The following USP15 variants were observed in gnomAD, a reference collection of about 807,000 sequenced individuals.
USP15 encodes the protein ubiquitin carboxyl-terminal hydrolase 15.
In USP15, 18 loss-of-function variants were observed where a neutral mutation model predicts 127.1. The observed-to-expected ratio is 0.14, with a 90% confidence interval of 0.10 to 0.21. USP15 has a LOEUF of 0.21. Ranked by LOEUF, USP15 falls within the 10% of genes least tolerant of loss-of-function variation. The pLI, the probability that USP15 is intolerant of heterozygous loss-of-function variation, is 1.00. For synonymous variants in USP15, 364 were observed against 393.7 expected (o/e 0.92, Z 0.89); for missense variants, 805 against 1,159.9 (o/e 0.69, Z 4.44).
At chr12:62,269,586 T>A (rs868236272) in intron 1 of USP15, among the ~76,000 whole-genome samples, 2 of 152,052 alleles carry the variant, frequency 1.3e-5, no homozygotes, top group Non-Finnish European at 2.9e-5. Flanking sequence ...GTCTATTTTT[T>A]ATTTTTATTT....
At chr12:62,388,244 C>T (rs1302657867) in intron 11 of USP15, among the ~76,000 whole-genome samples, 2 of 151,446 alleles carry the variant, frequency 1.3e-5, no homozygotes, top group South Asian at 4.2e-4. Context: ...GGGATTCTCC[C>T]GCCTCAGACT....
intron 8 of USP15, among the ~76,000 whole-genome samples, chr12:62,357,986 A>G (rs532850307): frequency 3.4e-4 from 52 of 152,076 alleles, no homozygotes; most frequent in Non-Finnish European, 6.5e-4. Flanking sequence ...GCTTTTTTCA[A>G]GTTTCCTTGT....
chr12:62,343,604 G>A (rs561549131), intron 6 of USP15, among the ~76,000 whole-genome samples: 10 of 152,262 alleles, frequency 6.6e-5, no homozygotes, highest in African/African-American at 9.6e-5. Context: ...CGTAGTACCC[G>A]GGCCAGGTAG....
chr12:62,378,945 A>G lies in USP15; in HGVS notation c.916-2545A>G, dbSNP rs566586442. The stretch of plus-strand genomic sequence containing the variant: ...GCATACATTTATTGTGAACATGATC[A>G]GTGCTACGTGACATAGTGCTCAGTG... On this transcript the variant is annotated intron_variant, in intron 8 of 21. Transcript: ENST00000280377. Among the ~76,000 whole-genome samples, 12 of 152,276 alleles carry G rather than the reference A, an allele frequency of 7.9e-5. No homozygotes were observed. The East Asian group carries it at 2.1e-3, about 27-fold the overall frequency.
intron 4 of USP15, among the ~76,000 whole-genome samples, chr12:62,318,348 G>T (rs531075408): frequency 6.6e-6 from 1 of 152,140 alleles, no homozygotes; most frequent in Admixed American, 6.6e-5. Flanking sequence ...TCATGACCTT[G>T]CCATTGACAA....
chr12:62,397,113 C>T (rs2067517236), intron 20 of USP15, among the ~76,000 whole-genome samples: 1 of 152,120 alleles, frequency 6.6e-6, no homozygotes, highest in Non-Finnish European at 1.5e-5. Flanking sequence ...TCCTACTTAT[C>T]ATTATATATT....
chr12:62,317,447 A>AGT (rs1464305482), intron 4 of USP15, among the ~76,000 whole-genome samples: 1 of 152,158 alleles, frequency 6.6e-6, no homozygotes, highest in African/African-American at 2.4e-5. Context: ...CTTAAACTAG[A>AGT]GTCTCATCTC....
At chr12:62,303,088 A>C (rs1021320433) in intron 3 of USP15, 168 bp downstream of exon 3, 1 of 669,510 alleles carries the variant, frequency 1.5e-6, no homozygotes, top group African/African-American at 1.8e-5. Context: ...AAGAAGGTTT[A>C]CTTATGCTAG....
chr12:62,338,902 G>C (rs1485416743), intron 6 of USP15, among the ~76,000 whole-genome samples: 2 of 152,148 alleles, frequency 1.3e-5, no homozygotes, highest in African/African-American at 2.4e-5. Context: ...GTCAGGTAGT[G>C]TGATGCCTCC....
intron 8 of USP15, among the ~76,000 whole-genome samples, chr12:62,373,298 C>G (rs959997151): frequency 4.9e-5 from 7 of 141,732 alleles, no homozygotes; most frequent in Non-Finnish European, 9.5e-5. Context: ...TAGATGAGGG[C>G]AAAAAAGGAT....
chr12:62,291,031 C>G (rs890534139), intron 1 of USP15, among the ~76,000 whole-genome samples: 1 of 152,112 alleles, frequency 6.6e-6, no homozygotes, highest in African/African-American at 2.4e-5. Flanking sequence ...ATGCTTTTCT[C>G]TTGCTGAGAC....
chr12:62,349,595 A>G (rs1268625262), intron 7 of USP15, among the ~76,000 whole-genome samples: 1 of 152,078 alleles, frequency 6.6e-6, no homozygotes, highest in Non-Finnish European at 1.5e-5. Flanking sequence ...TTTAGGAAGA[A>G]TTTAAATTCA....
intron 1 of USP15, among the ~76,000 whole-genome samples, chr12:62,273,532 T>C (rs1426160407): frequency 6.6e-6 from 1 of 152,090 alleles, no homozygotes; most frequent in African/African-American, 2.4e-5. Flanking sequence ...AATAGAAGTT[T>C]GGTGTGGTGC....
At chr12:62,338,150 C>G (rs1221859498) in intron 6 of USP15, among the ~76,000 whole-genome samples, 2 of 152,136 alleles carry the variant, frequency 1.3e-5, no homozygotes, top group African/African-American at 4.8e-5. Flanking sequence ...CTTTTGTTTC[C>G]TGACTTTTTA....
In USP15 at chr12:62,341,913, G is replaced by A. The variant is rs566148869; in HGVS notation, c.684-7308G>A. ...TGGTGGTCTGTGTATTTCCTGAATG[G>A]GAATGTTGGCCTGTCTTACAAGGTT... On this transcript the variant is annotated intron_variant, in intron 6 of 21. Transcript: ENST00000280377. Among the ~76,000 whole-genome samples, 26 of 152,160 alleles carry A rather than the reference G, an allele frequency of 1.7e-4. No homozygotes were observed. In the East Asian group the frequency reaches 4.8e-3, roughly 28 times the overall value.
chr12:62,410,890 G>C lies in USP15; in HGVS notation c.*6515G>C, dbSNP rs76527494. The C allele has an allele frequency of 2.7e-5, 4 of 150,510 alleles. No individual in the cohort carries two copies. The highest frequency in any genetic ancestry group is 5.9e-5 in the Non-Finnish European group (4 of 67,740). The allele number at this position is 150,510 out of a possible 1,614,324, so 9.3% of individuals were successfully genotyped here. On this transcript the variant is annotated 3_prime_UTR_variant, in exon 22 of 22. Coordinates refer to ENST00000280377, the MANE Select transcript of USP15 (RefSeq NM_001252078.2). ...AATTTTGGGCCTCACTCCTATAAAA[G>C]ACTTGGAACAGAAGTCTTAGTATGA...
rs2065495541 is a variant in USP15, at chr12:62,337,256, C to G, written c.683+11323C>G. Among the ~76,000 whole-genome samples the G allele has an allele frequency of 2.6e-5, 4 of 152,082 alleles. No homozygotes were observed. The South Asian group carries it at 8.3e-4, about 31-fold the overall frequency. On this transcript the variant is annotated intron_variant, in intron 6 of 21. Coordinates refer to ENST00000280377, the MANE Select transcript of USP15 (RefSeq NM_001252078.2). ...CCTTCATTCATTTTTCAGAAAACCT[C>G]TGCTTGATAGCTGTATTAGTCCATT...
intron 1 of USP15, among the ~76,000 whole-genome samples, chr12:62,266,192 T>C (rs147555463): frequency 6.6e-6 from 1 of 152,188 alleles, no homozygotes; most frequent in Non-Finnish European, 1.5e-5. Context: ...TAAGCTCTTA[T>C]TAGAGATGAT....
At chr12:62,276,274 A>G (rs2137071648) in intron 1 of USP15, among the ~76,000 whole-genome samples, 1 of 152,260 alleles carries the variant, frequency 6.6e-6, no homozygotes, top group East Asian at 1.9e-4. Context: ...CTTTGGTTTC[A>G]TTTATAAAGC....
Sources: allele counts gnomAD v4.1 joint callset (sites outside exome capture counted in the v4.1 genomes callset), GRCh38; gene constraint gnomAD v4.1.1; transcripts MANE v1.5; gene names NCBI Gene and HGNC (gene_info 2026-07-23, HGNC 2026-07-21).